The following NBEA variants were observed in gnomAD, a reference collection of about 807,000 sequenced individuals.
The protein encoded by NBEA is lysosomal-trafficking regulator 2.
A neutral mutation model predicts 343.4 loss-of-function variants in NBEA; 44 were observed. The observed-to-expected ratio is 0.13, with a 90% confidence interval of 0.10 to 0.16. NBEA has a LOEUF of 0.16. Ranked by LOEUF, NBEA falls within the 10% of genes least tolerant of loss-of-function variation. The pLI is 1.00. For synonymous variants in NBEA, 1,175 were observed against 1,238.7 expected (o/e 0.95, Z 1.08); for missense variants, 2,555 against 3,631.3 (o/e 0.70, Z 7.62).
intron 34 of NBEA, among the ~76,000 whole-genome samples, chr13:35,245,937 G>T (rs1186203818): frequency 1.3e-5 from 2 of 152,004 alleles, no homozygotes; most frequent in African/African-American, 4.8e-5. Flanking sequence ...CCTAGGTTTG[G>T]TCATTTAACA....
intron 10 of NBEA, among the ~76,000 whole-genome samples, chr13:35,084,125 T>C (rs1157013319): frequency 6.6e-6 from 1 of 152,028 alleles, no homozygotes; most frequent in Admixed American, 6.6e-5. Context: ...ACAATAATAA[T>C]GGGAGACTTT....
chr13:35,110,052 AAATG>A (rs1566299526), intron 12 of NBEA, among the ~76,000 whole-genome samples: 12 of 89,206 alleles, frequency 1.3e-4, no homozygotes, highest in South Asian at 3.7e-4. Context: ...TTTTTTTTTT[AAATG>A]TTTTTTTTTT....
At chr13:35,581,840 A>G (rs2081056623) in intron 45 of NBEA, among the ~76,000 whole-genome samples, 1 of 150,602 alleles carries the variant, frequency 6.6e-6, no homozygotes, top group Admixed American at 6.6e-5. Context: ...ATATGTAACT[A>G]ACCTGCACAA....
intron 38 of NBEA, among the ~76,000 whole-genome samples, chr13:35,372,238 G>A (rs2041474571): frequency 1.3e-5 from 2 of 152,190 alleles, no homozygotes; most frequent in African/African-American, 4.8e-5. Flanking sequence ...CTCCCAAGTT[G>A]TCTATGCTAG....
chr13:35,059,000 T>C, intron 8 of NBEA, 137 bp downstream of exon 8: 1 of 695,858 alleles, frequency 1.4e-6, no homozygotes, highest in East Asian at 3.3e-5. Context: ...AGTTTTATTA[T>C]ATGTTTCTTT....
Position 35,582,267 on chromosome 13 carries a change from C to T in NBEA, c.7036-1631C>T, listed in dbSNP as rs571890551. ...CGCCACTGCACTCCAGCCTAGGCAA[C>T]AGTGCGAGACTCCATCTCAAAAAAA... On this transcript the variant is annotated intron_variant, in intron 45 of 58. Coordinates refer to ENST00000379939, the MANE Select transcript of NBEA (RefSeq NM_001385012.1). Among the ~76,000 whole-genome samples, 439 of 152,166 alleles carry T rather than the reference C, an allele frequency of 2.9e-3. 1 individual carries two copies. Among genetic ancestry groups the T allele is most frequent in the African/African-American group, 9.1e-3 (378 of 41,514 alleles).
In NBEA at chr13:35,195,813, C is replaced by A. The variant is rs2072551430; in HGVS notation, c.4928-51C>A. 7 of 1,437,486 alleles carry A rather than the reference C, an allele frequency of 4.9e-6. No homozygotes were observed. In the South Asian group the frequency reaches 9.7e-5, roughly 20 times the overall value. 89.0% of individuals were successfully genotyped at this position (1,437,486 alleles called of 1,614,324 possible). ...ATATGAAAACATTTGATTAATAATACAAGATTTTTACTTTCAAAGCTTTTT... is the reference window on the plus strand; with the variant it reads ...ATATGAAAACATTTGATTAATAATAAAAGATTTTTACTTTCAAAGCTTTTT... On this transcript the variant is annotated intron_variant, in intron 30 of 58. Coordinates refer to ENST00000379939, the MANE Select transcript of NBEA (RefSeq NM_001385012.1).
rs904379822 is a variant in NBEA, at chr13:35,539,872, T to C, written c.6586-10605T>C. ...CGGAGCTTGCAGGGAGCCGAGATCC[T>C]GCCACTGCACTCCAGCCTGGGCGAC... On this transcript the variant is annotated intron_variant, in intron 41 of 58. Coordinates refer to ENST00000379939, the MANE Select transcript of NBEA (RefSeq NM_001385012.1). 1.5e-3 allele frequency among the ~76,000 whole-genome samples: 182 copies of C among 122,952 alleles called. 1 individual carries two copies. In the Middle Eastern group the frequency reaches 0.016, roughly 11 times the overall value. The allele number at this position is 122,952 out of a possible 152,430, so 80.7% of individuals were successfully genotyped here. A position where few individuals can be genotyped will look rare whatever the true frequency, so the allele number is the denominator to read the frequency against.
At chr13:35,482,217 A>G (rs1405207631) in intron 41 of NBEA, among the ~76,000 whole-genome samples, 1 of 151,710 alleles carries the variant, frequency 6.6e-6, no homozygotes, top group Non-Finnish European at 1.5e-5. Context: ...TAATTACATA[A>G]AATAGAAAAC....
chr13:35,049,420 A>G (rs966514794), intron 5 of NBEA, among the ~76,000 whole-genome samples: 4 of 151,872 alleles, frequency 2.6e-5, no homozygotes, highest in African/African-American at 9.7e-5. Context: ...TATACCAATG[A>G]GGATAGTAAT....
chr13:35,176,535 A>T (rs1370388688), intron 27 of NBEA, among the ~76,000 whole-genome samples: 1 of 151,984 alleles, frequency 6.6e-6, no homozygotes, highest in Non-Finnish European at 1.5e-5. Context: ...GCTGTGACTG[A>T]TTCTTTTTAA....
chr13:35,142,822 C>G (rs1382049451), intron 18 of NBEA, among the ~76,000 whole-genome samples: 1 of 152,140 alleles, frequency 6.6e-6, no homozygotes, highest in African/African-American at 2.4e-5. Context: ...AAAATGATAT[C>G]TGGAAGCATC....
chr13:35,418,855 C>T (rs1396814184), intron 38 of NBEA, among the ~76,000 whole-genome samples: 1 of 151,966 alleles, frequency 6.6e-6, no homozygotes, highest in African/African-American at 2.4e-5. Flanking sequence ...TAACAAATTA[C>T]AGGCTAAGTA....
chr13:35,434,963 T>G (rs2045340362), intron 39 of NBEA, among the ~76,000 whole-genome samples: 1 of 152,154 alleles, frequency 6.6e-6, no homozygotes, highest in African/African-American at 2.4e-5. Flanking sequence ...ACTGAGAAAA[T>G]ATTCCAAACT....
At chr13:35,145,486 C>T (rs1022002828) in intron 18 of NBEA, among the ~76,000 whole-genome samples, 1 of 152,164 alleles carries the variant, frequency 6.6e-6, no homozygotes, top group Non-Finnish European at 1.5e-5. Context: ...TTTAGTGGGT[C>T]TGCATACAAG....
In NBEA at chr13:35,213,936, T is replaced by C. The variant is rs1304742990; in HGVS notation, c.5648+2757T>C. Among the ~76,000 whole-genome samples the C allele has an allele frequency of 2.0e-5, 3 of 152,106 alleles. No individual in the cohort carries two copies. In the East Asian group the frequency reaches 5.8e-4, roughly 29 times the overall value. ...TCTCTGCTCCAGGGAAACACTGAAG[T>C]GCTTTTTAACATTGTGAATTAGATT... On this transcript the variant is annotated intron_variant, in intron 33 of 58. Coordinates refer to ENST00000379939, the MANE Select transcript of NBEA (RefSeq NM_001385012.1).
intron 11 of NBEA, among the ~76,000 whole-genome samples, chr13:35,102,762 A>G (rs1452508485): frequency 6.6e-6 from 1 of 151,844 alleles, no homozygotes; most frequent in Non-Finnish European, 1.5e-5. Flanking sequence ...CTGTTCCTCT[A>G]TTAAATCTAG....
chr13:35,092,704 A>G (rs146382637), intron 10 of NBEA, among the ~76,000 whole-genome samples: 1 of 152,198 alleles, frequency 6.6e-6, no homozygotes, highest in East Asian at 1.9e-4. Flanking sequence ...TGTGCTAAAT[A>G]CTGGCAAGGA....
intron 39 of NBEA, among the ~76,000 whole-genome samples, chr13:35,445,806 ATATATATATATG>A (rs1280254047): frequency 1.5e-5 from 2 of 136,578 alleles, no homozygotes; most frequent in Admixed American, 1.4e-4. Context: ...ATATATATAT[ATATATATATATG>A]TATATATATA....
Sources: gnomAD v4.1 joint callset for allele counts (sites outside exome capture counted in the v4.1 genomes callset) on GRCh38, gnomAD v4.1.1 for gene constraint, MANE v1.5 for transcripts, NCBI Gene and HGNC (gene_info 2026-07-23, HGNC 2026-07-21) for gene names.